Variants in PCDHGA2 observed in about 807,000 individuals in gnomAD.
PCDHGA2 encodes the protein protocadherin gamma subfamily A, 2.
In PCDHGA2, 40 loss-of-function variants were observed where a neutral mutation model predicts 59.2. The ratio of observed to expected loss-of-function variants is 0.68; its 90% CI spans 0.52 to 0.88. PCDHGA2 has a LOEUF of 0.88. Among genes scored for constraint, PCDHGA2 ranks in the 40% least tolerant of loss-of-function variants. The pLI, the probability that PCDHGA2 is intolerant of heterozygous loss-of-function variation, is 0.00. For missense variants in PCDHGA2, 1,226 were observed against 1,204.0 expected (o/e 1.02, Z -0.27); for synonymous variants, 560 against 526.0 (o/e 1.06, Z -0.89).
chr5:141,418,647 G>C, intron 1 of PCDHGA2: 1 of 1,614,034 alleles, frequency 6.2e-7, no homozygotes, highest in Non-Finnish European at 8.5e-7. Flanking sequence ...TCCATCCTGA[G>C]AGTGAAGGCC....
chr5:141,387,765 T>C, intron 1 of PCDHGA2: 1 of 1,431,622 alleles, frequency 7.0e-7, no homozygotes, highest in East Asian at 2.5e-5. Flanking sequence ...AAAAGAAGAA[T>C]TTTTTCTTGA....
In PCDHGA2 at chr5:141,490,935, G is replaced by A. The variant is rs1371144225; in HGVS notation, c.2425-3872G>A. On this transcript the variant is annotated intron_variant, in intron 1 of 3. Transcript: ENST00000394576. The surrounding 1 kb of genome is among the most constrained non-coding windows in gnomAD (Gnocchi z 5.4). ...AGAATGATAATGCCCCAGCTGTGCTGCACCCACGGCCAGACTGGGAACACT... is the reference window on the plus strand; with the variant it reads ...AGAATGATAATGCCCCAGCTGTGCTACACCCACGGCCAGACTGGGAACACT... 1.9e-6 allele frequency: 3 copies of A among 1,613,638 alleles called. No homozygotes were observed. The highest frequency in any genetic ancestry group is 2.2e-5 in the South Asian group (2 of 91,032).
At chr5:141,510,311 C>T (rs375516156) in intron 3 of PCDHGA2, among the ~76,000 whole-genome samples, 98 of 151,056 alleles carry the variant, frequency 6.5e-4, no homozygotes, top group African/African-American at 2.3e-3. Flanking sequence ...GAAATGGAGG[C>T]TTGGAAGAGC....
rs576594507 is a variant in PCDHGA2, at chr5:141,397,831, A to T, written c.2424+56436A>T. On this transcript the variant is annotated intron_variant, in intron 1 of 3. Transcript: ENST00000394576. ...CACAAAAACAATTACTGCACTGGTT[A>T]ACTTGAAGCCGCAGAGGCTGTAGTT... 9.5e-4 allele frequency among the ~76,000 whole-genome samples: 145 copies of T among 152,360 alleles called. 1 individual carries two copies. The highest frequency in any genetic ancestry group is 1.8e-3 in the Non-Finnish European group (124 of 68,036).
At position 141,485,301 on chromosome 5, in the gene PCDHGA2, C is replaced by T; in HGVS notation, c.2425-9506C>T. 1 of 1,614,124 alleles carries T rather than the reference C, an allele frequency of 6.2e-7. No homozygotes were observed. The highest frequency in any genetic ancestry group is 1.1e-5 in the South Asian group (1 of 91,082). The stretch of plus-strand genomic sequence containing the variant: ...GTCCCAGAGGAGTCACAGGAAGGGA[C>T]TTTTGTAGGGAATGTCGCTCAAGAT... On this transcript the variant is annotated intron_variant, in intron 1 of 3. Coordinates refer to ENST00000394576, the MANE Select transcript of PCDHGA2 (RefSeq NM_018915.4). This position sits in a 1 kb window ranked among gnomAD's most constrained non-coding sequence, Gnocchi z 5.7.
rs1384424498 is a variant in PCDHGA2, at chr5:141,431,677, G to A, written c.2425-63130G>A. On this transcript the variant is annotated intron_variant, in intron 1 of 3. Coordinates refer to ENST00000394576, the MANE Select transcript of PCDHGA2 (RefSeq NM_018915.4). This position sits in a 1 kb window ranked among gnomAD's most constrained non-coding sequence, Gnocchi z 4.8. The stretch of plus-strand genomic sequence containing the variant: ...CAGGGACAATATCAACAATAGGGGA[G>A]TTGGACCACGAGGAGTCAGGATTCT... 2 of 1,614,236 alleles carry A rather than the reference G, an allele frequency of 1.2e-6. No homozygotes were observed. The highest frequency in any genetic ancestry group is 1.7e-6 in the Non-Finnish European group (2 of 1,180,050).
intron 1 of PCDHGA2, chr5:141,409,822 C>A (rs983633484): frequency 6.2e-6 from 10 of 1,610,868 alleles, no homozygotes; most frequent in Non-Finnish European, 6.8e-6. Flanking sequence ...ACGGCTCGCC[C>A]ACGCTCAGCG....
intron 3 of PCDHGA2, among the ~76,000 whole-genome samples, chr5:141,506,444 C>CAA (rs1219684339): frequency 1.2e-3 from 116 of 94,976 alleles, no homozygotes; most frequent in African/African-American, 4.2e-3. Flanking sequence ...CGCTCTGTCT[C>CAA]AAAAAAAAAA....
intron 1 of PCDHGA2, chr5:141,427,328 T>G (rs951396612): frequency 1.6e-4 from 74 of 457,122 alleles, no homozygotes; most frequent in Admixed American, 1.2e-3. Context: ...TGGTTTTTAC[T>G]TCAGTGTCCA....
chr5:141,459,756 G>A (rs1455980132), intron 1 of PCDHGA2, among the ~76,000 whole-genome samples: 1 of 152,118 alleles, frequency 6.6e-6, no homozygotes, highest in Non-Finnish European at 1.5e-5. Flanking sequence ...AATTCTAGTG[G>A]GTGTGTGATA....
In PCDHGA2 at chr5:141,339,535, G is replaced by A; in HGVS notation, c.564G>A (p.Gly188=). Reference sequence around the variant, plus strand: ...TGGACGTGCGAAGGGGAGCTGATGGGAACAAGTACCCAGAACTGGTGCTGG... The same window carrying A: ...TGGACGTGCGAAGGGGAGCTGATGGAAACAAGTACCCAGAACTGGTGCTGG... The part of the protein sequence containing the change: ...FSLDVRRGAD[G]NKYPELVLER... The change falls in exon 1 of 4, where the codon GGG becomes GGA. Residue 188 remains glycine (G), a synonymous_variant. Coordinates refer to ENST00000394576, the MANE Select transcript of PCDHGA2 (RefSeq NM_018915.4). 1.2e-6 allele frequency: 2 copies of A among 1,614,198 alleles called. No individual in the cohort carries two copies. Among genetic ancestry groups the A allele is most frequent in the Non-Finnish European group, 1.7e-6 (2 of 1,180,036 alleles).
chr5:141,509,830 T>A (rs1328716142), intron 3 of PCDHGA2, among the ~76,000 whole-genome samples: 1 of 152,204 alleles, frequency 6.6e-6, no homozygotes, highest in African/African-American at 2.4e-5. Flanking sequence ...ATCTTCTCTC[T>A]ACCTCCCATT....
chr5:141,366,976 A>C, intron 1 of PCDHGA2: 1 of 544,366 alleles, frequency 1.8e-6, no homozygotes, highest in Non-Finnish European at 3.0e-6. Flanking sequence ...AAATACCTTA[A>C]AGGAAAGTGG....
chr5:141,404,909 C>CCT, intron 1 of PCDHGA2: 1 of 1,613,916 alleles, frequency 6.2e-7, no homozygotes, highest in Non-Finnish European at 8.5e-7. Context: ...TGGCCAGCCC[C>CCT]CTCTCTCGGC....
chr5:141,423,609 A>G lies in PCDHGA2; in HGVS notation c.2425-71198A>G, dbSNP rs748925693. The G allele has an allele frequency of 5.0e-6, 8 of 1,611,572 alleles. No homozygotes were observed. The South Asian group carries it at 7.7e-5, about 16-fold the overall frequency. ...GTGAGAAAAGCGAGCCACTCTTGAT[A>G]GCTGAAGACTCAGCTATCATTTTAG... On this transcript the variant is annotated intron_variant, in intron 1 of 3. Transcript: ENST00000394576.
rs576464275 is a variant in PCDHGA2, at chr5:141,448,784, CA to C, written c.2425-46012del. ...TGAAACCCCGTCTGTACTAAAAATA[CA>C]AAAAAAAAAATTAGCCAGGCGTGAT... On this transcript the variant is annotated intron_variant, in intron 1 of 3. Coordinates refer to ENST00000394576, the MANE Select transcript of PCDHGA2 (RefSeq NM_018915.4). Among the ~76,000 whole-genome samples, 323 of 145,522 alleles carry C rather than the reference CA, an allele frequency of 2.2e-3. 2 individuals are homozygous for C. The highest frequency in any genetic ancestry group is 5.9e-3 in the African/African-American group (238 of 40,012).
rs923900490 is a variant in PCDHGA2, at chr5:141,383,761, C to T, written c.2424+42366C>T. 6 of 1,613,834 alleles carry T rather than the reference C, an allele frequency of 3.7e-6. No individual in the cohort carries two copies. The Admixed American group carries it at 1.0e-4, about 27-fold the overall frequency. Reference sequence around the variant, plus strand: ...TTCTTTTCGGAAAATAACTCCTAAACTTCCAAAGATGTTTCATCTGAACTC... The same window carrying T: ...TTCTTTTCGGAAAATAACTCCTAAATTTCCAAAGATGTTTCATCTGAACTC... On this transcript the variant is annotated intron_variant, in intron 1 of 3. Coordinates refer to ENST00000394576, the MANE Select transcript of PCDHGA2 (RefSeq NM_018915.4).
intron 1 of PCDHGA2, chr5:141,344,039 C>T (rs373529111): frequency 1.2e-5 from 18 of 1,549,704 alleles, no homozygotes; most frequent in Non-Finnish European, 8.7e-6. Context: ...AGGAAATGAC[C>T]AATTGCCTGA....
At position 141,489,076 on chromosome 5, in the gene PCDHGA2, C is replaced by T. The variant is rs536134432; in HGVS notation, c.2425-5731C>T. The T allele has an allele frequency of 6.1e-6, 2 of 326,424 alleles. No individual in the cohort carries two copies. Among genetic ancestry groups the T allele is most frequent in the East Asian group, 5.8e-5 (1 of 17,220 alleles). 20.2% of individuals were successfully genotyped at this position (326,424 alleles called of 1,614,324 possible). On this transcript the variant is annotated intron_variant, in intron 1 of 3. Coordinates refer to ENST00000394576, the MANE Select transcript of PCDHGA2 (RefSeq NM_018915.4). The surrounding 1 kb of genome is among the most constrained non-coding windows in gnomAD (Gnocchi z 4.5). The stretch of plus-strand genomic sequence containing the variant: ...CAGCTCCCCTCCCCCCTGCCCACCC[C>T]CGCCACTCGGTGACTAAGAACTGCT...
Sources: allele counts gnomAD v4.1 joint callset (sites outside exome capture counted in the v4.1 genomes callset), GRCh38; gene constraint gnomAD v4.1.1; non-coding constraint Gnocchi (gnomAD v3.1); transcripts MANE v1.5; gene names NCBI Gene and HGNC (gene_info 2026-07-23, HGNC 2026-07-21).